The following SLC5A5 variants were observed in gnomAD, a reference collection of about 807,000 sequenced individuals.
SLC5A5 encodes the protein solute carrier family 5 member 5, also known as sodium/iodide cotransporter.
In SLC5A5, 56 loss-of-function variants were observed where a neutral mutation model predicts 68.6. That is an observed-to-expected ratio of 0.82 (90% CI 0.66 to 1.02). The LOEUF (loss-of-function observed/expected upper bound fraction) is 1.02. Ranked by LOEUF, SLC5A5 falls within the 50% of genes least tolerant of loss-of-function variation. The pLI is 0.00. For synonymous variants in SLC5A5, 398 were observed against 373.0 expected, an observed-to-expected ratio of 1.07 and a Z score of -0.77; for missense variants, 807 against 859.8, an observed-to-expected ratio of 0.94 and a Z score of 0.77.
At chr19:17,876,857 T>TC (rs1035001356) in intron 5 of SLC5A5, among the ~76,000 whole-genome samples, 17 of 135,022 alleles carry the variant, frequency 1.3e-4, no homozygotes, top group East Asian at 4.6e-4. Context: ...AGAGACTCCG[T>TC]CCCCCCCCTA....
In SLC5A5 at chr19:17,874,506, G is replaced by C. The variant is rs1345151232; in HGVS notation, c.436G>C (p.Gly146Arg). 2 of 1,613,728 alleles carry C rather than the reference G, an allele frequency of 1.2e-6. No individual in the cohort carries two copies. The highest frequency in any genetic ancestry group is 1.7e-6 in the Non-Finnish European group (2 of 1,179,986). Residue 146 changes from glycine (G) to arginine (R), a missense_variant, in exon 3 of 15, where the codon GGC (glycine) becomes CGC (arginine). By Grantham distance (125) the Gly-to-Arg change is moderately radical (BLOSUM62 -2). Transcript: ENST00000222248. ...ACTCTGTCTACAGATGCTGTACACC[G>C]GCATCGTAATCTACGCACCGGCCCT... ...QYIVATMLYTGIVIYAPALIL... is the reference protein window; with the variant it reads ...QYIVATMLYTRIVIYAPALIL...
At chr19:17,888,941 G>GA (rs1279549554) in intron 13 of SLC5A5, among the ~76,000 whole-genome samples, 5 of 147,512 alleles carry the variant, frequency 3.4e-5, no homozygotes, top group Non-Finnish European at 4.5e-5. Context: ...TTTTTAAAAG[G>GA]AAAAAAAAAG....
intron 12 of SLC5A5, 95 bp from the exon 13 acceptor site, chr19:17,888,236 T>C (rs547709287): frequency 5.0e-5 from 73 of 1,463,208 alleles, no homozygotes; most frequent in Middle Eastern, 1.7e-4. Context: ...GCCATGGCAG[T>C]TGGGGGAAGG....
At chr19:17,872,954 C>T (rs537778314) in intron 1 of SLC5A5, among the ~76,000 whole-genome samples, 1 of 152,296 alleles carries the variant, frequency 6.6e-6, no homozygotes, top group South Asian at 2.1e-4. Context: ...GGTGTGTCCT[C>T]ACGGGTGGAC....
Position 17,878,694 on chromosome 19 carries a change from G to C in SLC5A5, c.969+601G>C, listed in dbSNP as rs547920693. 1.2e-4 allele frequency among the ~76,000 whole-genome samples: 19 copies of C among 152,070 alleles called. No homozygotes were observed. The East Asian group carries it at 1.6e-3, about 12-fold the overall frequency. ...CAGGAGGAGATGAAACCATGACCCA[G>C]GCCGGGCATGTTGGCTCACGCCTGT... On this transcript the variant is annotated intron_variant, in intron 7 of 14. Coordinates refer to ENST00000222248, the MANE Select transcript of SLC5A5 (RefSeq NM_000453.3).
intron 14 of SLC5A5, among the ~76,000 whole-genome samples, chr19:17,891,572 T>C (rs1233288133): frequency 6.6e-6 from 1 of 152,150 alleles, no homozygotes; most frequent in African/African-American, 2.4e-5. Context: ...TTCCTTTTTG[T>C]CGTTATCTGT....
At chr19:17,891,064 G>C (rs1395619176) in intron 14 of SLC5A5, 63 bp downstream of exon 14, 2 of 984,658 alleles carry the variant, frequency 2.0e-6, no homozygotes, top group Non-Finnish European at 3.3e-6. Flanking sequence ...CGTGACCACA[G>C]CTCAGGGGAG....
intron 2 of SLC5A5, 81 bp from the exon 3 acceptor site, chr19:17,874,413 G>C: frequency 1.4e-6 from 2 of 1,388,968 alleles, no homozygotes; most frequent in Non-Finnish European, 2.0e-6. Flanking sequence ...CATATTCTGG[G>C]ACCACCCTTC....
chr19:17,890,017 T>C (rs79795317), intron 13 of SLC5A5, among the ~76,000 whole-genome samples: 2,104 of 152,250 alleles, frequency 0.014, 56 homozygotes, highest in African/African-American at 0.048. Context: ...GATGCAGCAG[T>C]GAATGGAACC....
Position 17,872,466 on chromosome 19 carries a change from C to G in SLC5A5, c.147C>G (p.Thr49=), listed in dbSNP as rs1184084118. 1.2e-6 allele frequency: 2 copies of G among 1,611,092 alleles called. No individual in the cohort carries two copies. The highest frequency in any genetic ancestry group is 2.2e-5 in the South Asian group (2 of 90,834). The change falls in exon 1 of 15, where the codon ACC becomes ACG. Residue 49 remains threonine, a synonymous_variant. Transcript: ENST00000222248. ...GGQRSAEDFF[T]GGRRLAALPV... ...AGCGCAGCGCTGAGGACTTCTTCAC[C>G]GGGGGCCGGCGCCTGGCGGCCCTGC... is the stretch of plus-strand genomic sequence containing the variant.
In SLC5A5 at chr19:17,872,500, C is replaced by T. The variant is rs745368197; in HGVS notation, c.181C>T (p.Leu61=). ...GCGCCTGGCGGCCCTGCCCGTGGGC[C>T]TGTCGCTGTCTGCCAGCTTCATGTC... The part of the protein sequence containing the change: ...GRRLAALPVG[L]SLSASFMSAV... Residue 61 remains leucine, a synonymous_variant, in exon 1 of 15, where the codon CTG becomes TTG. Coordinates refer to ENST00000222248, the MANE Select transcript of SLC5A5 (RefSeq NM_000453.3). 7 of 1,612,534 alleles carry T rather than the reference C, an allele frequency of 4.3e-6. No homozygotes were observed. The East Asian group carries it at 1.6e-4, about 36-fold the overall frequency.
chr19:17,876,748 G>T (rs571126905), intron 5 of SLC5A5, among the ~76,000 whole-genome samples: 1 of 152,094 alleles, frequency 6.6e-6, no homozygotes, highest in Admixed American at 6.6e-5. Context: ...TGTAATCCCA[G>T]CTACTCAGGA....
chr19:17,882,164 C>A lies in SLC5A5; in HGVS notation c.1187C>A (p.Ser396Ter). The A allele has an allele frequency of 6.2e-7, 1 of 1,614,126 alleles. No homozygotes were observed. Among genetic ancestry groups the A allele is most frequent in the South Asian group, 1.1e-5 (1 of 91,072 alleles). ...ISKGLSLIYG[S>*]ACLTVAALSS... ...TCCACTACAGCACTCATCTACGGAT[C>A]GGCCTGTCTCACCGTGGCAGCCCTG... Residue 396 changes from serine to a stop codon, truncating the protein, a stop_gained, in exon 10 of 15, where the codon TCG (serine) becomes TAG (stop). Coordinates refer to ENST00000222248, the MANE Select transcript of SLC5A5 (RefSeq NM_000453.3). LOFTEE classifies it high-confidence loss of function.
At chr19:17,876,985 C>T (rs1196589792) in intron 5 of SLC5A5, among the ~76,000 whole-genome samples, 2 of 150,812 alleles carry the variant, frequency 1.3e-5, no homozygotes, top group African/African-American at 4.9e-5. Flanking sequence ...GAGCCGAGAT[C>T]ACACCATTGC....
At chr19:17,877,636 A>G in intron 5 of SLC5A5, 87 bp from the exon 6 acceptor site, 3 of 1,533,886 alleles carry the variant, frequency 2.0e-6, no homozygotes, top group Non-Finnish European at 2.7e-6. Flanking sequence ...TGTCCCCTAT[A>G]AGGTCCAGAA....
chr19:17,892,652 C>CAGACAGAG (rs1285348546), intron 14 of SLC5A5, among the ~76,000 whole-genome samples: 1 of 97,338 alleles, frequency 1.0e-5, no homozygotes, highest in Non-Finnish European at 2.1e-5. Flanking sequence ...AAAGAAAAGA[C>CAGACAGAG]AGAGAGAGAG....
At chr19:17,873,734 C>T (rs1425365564) in intron 1 of SLC5A5, among the ~76,000 whole-genome samples, 1 of 152,196 alleles carries the variant, frequency 6.6e-6, no homozygotes, top group African/African-American at 2.4e-5. Flanking sequence ...CTAGCCTGGG[C>T]GACAGAGCGA....
intron 7 of SLC5A5, 39 bp from the exon 8 acceptor site, chr19:17,880,826 G>A: frequency 2.7e-6 from 4 of 1,484,978 alleles, no homozygotes; most frequent in Non-Finnish European, 3.8e-6. Context: ...GGTCCTCGGG[G>A]TGCAGCTGTC....
intron 12 of SLC5A5, 44 bp downstream of exon 12, chr19:17,884,090 T>A: frequency 6.8e-7 from 1 of 1,479,420 alleles, no homozygotes; most frequent in South Asian, 1.2e-5. Context: ...CCCTGGATGG[T>A]GTGATCTTGA....
Sources: gnomAD v4.1 joint callset for allele counts (sites outside exome capture counted in the v4.1 genomes callset) on GRCh38, gnomAD v4.1.1 for gene constraint, MANE v1.5 for transcripts, NCBI Gene and HGNC (gene_info 2026-07-23, HGNC 2026-07-21) for gene names.